PXDN: variants seen among roughly 807,000 people sequenced by gnomAD.
PXDN encodes the protein peroxidasin.
PXDN carries 77 observed loss-of-function variants against 140.3 expected under a neutral mutation model. That is an observed-to-expected ratio of 0.55 (90% CI 0.46 to 0.66). The LOEUF (loss-of-function observed/expected upper bound fraction) is 0.66, where lower values mean the gene tolerates loss of function less well. Among genes scored for constraint, PXDN ranks in the 30% least tolerant of loss-of-function variants. PXDN has a pLI of 0.00. For synonymous variants in PXDN, 911 were observed against 857.4 expected, an observed-to-expected ratio of 1.06 and a Z score of -1.09; for missense variants, 1,838 against 2,039.5, an observed-to-expected ratio of 0.90 and a Z score of 1.90.
In PXDN at chr2:1,734,004, A is replaced by G. The variant is rs564674474; in HGVS notation, c.200+10252T>C. Among the ~76,000 whole-genome samples, 4 of 152,338 alleles carry G rather than the reference A, an allele frequency of 2.6e-5. No homozygotes were observed. The East Asian group carries it at 7.7e-4, about 29-fold the overall frequency. ...AATAAAAACATGTCTCTGTTTATCT[A>G]AATCTCTAAAAAGATAACTGACAGC... is the stretch of plus-strand genomic sequence containing the variant. On this transcript the variant is annotated intron_variant, in intron 1 of 22. Transcript: ENST00000252804.
intron 1 of PXDN, among the ~76,000 whole-genome samples, chr2:1,713,471 T>C (rs1302425434): frequency 6.6e-6 from 1 of 152,106 alleles, no homozygotes; most frequent in South Asian, 2.1e-4. Flanking sequence ...GGAAAACCCA[T>C]TCCAGACTCC....
intron 3 of PXDN, among the ~76,000 whole-genome samples, chr2:1,690,812 C>T (rs1340396408): frequency 6.6e-6 from 1 of 152,146 alleles, no homozygotes; most frequent in East Asian, 1.9e-4. Flanking sequence ...GTAACACTGA[C>T]AAATATCGCA....
intron 1 of PXDN, among the ~76,000 whole-genome samples, chr2:1,694,452 C>T (rs1558512090): frequency 6.6e-6 from 1 of 152,198 alleles, no homozygotes; most frequent in Non-Finnish European, 1.5e-5. Flanking sequence ...TGTGTCCCTC[C>T]CAGCGCCGCC....
At chr2:1,721,806 T>C (rs1685060059) in intron 1 of PXDN, among the ~76,000 whole-genome samples, 1 of 146,362 alleles carries the variant, frequency 6.8e-6, no homozygotes, top group South Asian at 2.3e-4. Flanking sequence ...AGAGAGAGAC[T>C]CCGTCTCAAA....
intron 21 of PXDN, among the ~76,000 whole-genome samples, chr2:1,638,017 A>G (rs1682615899): frequency 6.6e-6 from 1 of 152,152 alleles, no homozygotes; most frequent in South Asian, 2.1e-4. Context: ...CAGGCACAGG[A>G]GTAGTCAGGG....
In PXDN at chr2:1,687,790, G is replaced by A. The variant is rs766229795; in HGVS notation, c.345-87C>T. On this transcript the variant is annotated intron_variant, in intron 3 of 22. Coordinates refer to ENST00000252804, the MANE Select transcript of PXDN (RefSeq NM_012293.3). The surrounding 1 kb of genome is among the most constrained non-coding windows in gnomAD (Gnocchi z 4.0). ...AAGAAGAATTAAATTGACACATGGA[G>A]ACAGTTTTACAATTAATGACTGTAT... 3 of 1,033,282 alleles carry A rather than the reference G, an allele frequency of 2.9e-6. No homozygotes were observed. The highest frequency in any genetic ancestry group is 3.1e-5 in the South Asian group (2 of 65,178). The allele number at this position is 1,033,282 out of a possible 1,614,324, so 64.0% of individuals were successfully genotyped here.
At chr2:1,656,130 A>C (rs986086375) in intron 14 of PXDN, among the ~76,000 whole-genome samples, 2 of 151,592 alleles carry the variant, frequency 1.3e-5, no homozygotes, top group Non-Finnish European at 2.9e-5. Flanking sequence ...ACACCACACA[A>C]ACACACAACA....
At chr2:1,694,749 G>C (rs1684263388) in intron 1 of PXDN, among the ~76,000 whole-genome samples, 4 of 152,222 alleles carry the variant, frequency 2.6e-5, no homozygotes. Context: ...CATCGAAACT[G>C]GGAGGCGGTG....
intron 1 of PXDN, among the ~76,000 whole-genome samples, chr2:1,743,573 G>C (rs1411609902): frequency 6.6e-6 from 1 of 150,528 alleles, no homozygotes; most frequent in Admixed American, 6.6e-5. Flanking sequence ...CCCGGCGCGG[G>C]GGGATGGGGT....
In PXDN at chr2:1,643,462, G is replaced by T. The variant is rs754574703; in HGVS notation, c.3858C>A (p.Ser1286Arg). The T allele has an allele frequency of 1.9e-6, 3 of 1,613,932 alleles. No homozygotes were observed. Among genetic ancestry groups the T allele is most frequent in the Non-Finnish European group, 2.5e-6 (3 of 1,179,894 alleles). ...DNADNITRVQ[S>R]DVFRVAEFPH... The stretch of plus-strand genomic sequence containing the variant: ...GGAACTCCGCCACCCTGAACACGTC[G>T]CTCTGCACCCGGGTGATGTTGTCCG... Residue 1286 changes from serine to arginine, a missense_variant, in exon 19 of 23, where the codon AGC becomes AGA. By Grantham distance (110) the Ser-to-Arg change is moderately radical (BLOSUM62 -1). This residue lies in a region of PXDN where 850 missense variants were observed against 894.1 expected (regional missense o/e 0.95). Transcript: ENST00000252804.
At chr2:1,638,709 A>G in intron 21 of PXDN, 137 bp downstream of exon 21, 1 of 1,361,800 alleles carries the variant, frequency 7.3e-7, no homozygotes, top group East Asian at 2.3e-5. Context: ...TGACACCCCC[A>G]AGGCTCCAGG....
intron 18 of PXDN, among the ~76,000 whole-genome samples, chr2:1,644,345 TA>T (rs1294083476): frequency 6.6e-6 from 1 of 152,158 alleles, no homozygotes; most frequent in Non-Finnish European, 1.5e-5. Context: ...CCAACAGGTT[TA>T]CAGGAACAGA....
chr2:1,664,997 T>C lies in PXDN; in HGVS notation c.1369A>G (p.Lys457Glu). 6.2e-7 allele frequency: 1 copy of C among 1,611,954 alleles called. No homozygotes were observed. ...GCGATGACGGGCGGCGGGTTGCCCT[T>C]GGCTTCACACTGGAAATCCACGGTC... ...GQTVDFQCEA[K>E]GNPPPVIAWT... is the part of the protein sequence containing the mutation. The change falls in exon 11 of 23, where the codon AAG becomes GAG. Residue 457 changes from lysine to glutamate, a missense_variant. Physicochemically the swap from Lys to Glu is moderately conservative, Grantham distance 56. This residue lies in a region of PXDN where 537 missense variants were observed against 583.9 expected (regional missense o/e 0.92). Coordinates refer to ENST00000252804, the MANE Select transcript of PXDN (RefSeq NM_012293.3).
chr2:1,684,509 T>C (rs1411735206), intron 4 of PXDN, among the ~76,000 whole-genome samples: 3 of 152,198 alleles, frequency 2.0e-5, no homozygotes, highest in African/African-American at 7.2e-5. Context: ...ACTTTAATGA[T>C]AGCACATACA....
At chr2:1,654,344 C>T in intron 15 of PXDN, 56 bp downstream of exon 15, 1 of 1,281,546 alleles carries the variant, frequency 7.8e-7, no homozygotes, top group Non-Finnish European at 1.1e-6. Flanking sequence ...ATCACTCCCA[C>T]CTTCACCCTA....
intron 22 of PXDN, 70 bp downstream of exon 22, chr2:1,635,334 CACCT>C (rs1315519535): frequency 1.5e-5 from 20 of 1,319,770 alleles, no homozygotes; most frequent in Non-Finnish European, 2.1e-5. Context: ...CTGGGCCACC[CACCT>C]GAGTGGTCAC....
intron 14 of PXDN, among the ~76,000 whole-genome samples, chr2:1,655,002 C>A (rs1012377811): frequency 6.6e-6 from 1 of 152,028 alleles, no homozygotes; most frequent in Non-Finnish European, 1.5e-5. Flanking sequence ...TGTATCATTA[C>A]ACAGGGAAAC....
intron 1 of PXDN, among the ~76,000 whole-genome samples, chr2:1,718,992 C>T (rs1001762519): frequency 6.6e-6 from 1 of 152,260 alleles, no homozygotes; most frequent in Non-Finnish European, 1.5e-5. Flanking sequence ...GGGGCACACC[C>T]AGGACACGCT....
intron 14 of PXDN, among the ~76,000 whole-genome samples, chr2:1,655,036 CCACA>C (rs1003520961): frequency 6.6e-6 from 1 of 151,416 alleles, no homozygotes; most frequent in African/African-American, 2.4e-5. Context: ...ACACCACACA[CCACA>C]CACACACAAT....
Sources: allele counts gnomAD v4.1 joint callset (sites outside exome capture counted in the v4.1 genomes callset), GRCh38; gene constraint gnomAD v4.1.1; regional missense constraint gnomAD v4.1.1; non-coding constraint Gnocchi (gnomAD v3.1); transcripts MANE v1.5; gene names NCBI Gene and HGNC (gene_info 2026-07-23, HGNC 2026-07-21).